The following ZDHHC21 variants were observed in gnomAD, a reference collection of about 807,000 sequenced individuals.
ZDHHC21 encodes zDHHC palmitoyltransferase 21.
A neutral mutation model predicts 34.6 loss-of-function variants in ZDHHC21; 15 were observed. That is an observed-to-expected ratio of 0.43 (90% CI 0.29 to 0.67). ZDHHC21 has a LOEUF of 0.67. Among genes scored for constraint, ZDHHC21 ranks in the 30% least tolerant of loss-of-function variants. The pLI, the probability that ZDHHC21 is intolerant of heterozygous loss-of-function variation, is 0.14. For missense variants in ZDHHC21, 344 were observed against 327.7 expected (o/e 1.05, Z -0.38); for synonymous variants, 142 against 101.8 (o/e 1.40, Z -2.38).
At chr9:14,626,335 T>C (rs1237264055) in intron 8 of ZDHHC21, among the ~76,000 whole-genome samples, 1 of 151,952 alleles carries the variant, frequency 6.6e-6, no homozygotes, top group Non-Finnish European at 1.5e-5. Context: ...TGGATTCAGA[T>C]CATGAAATAA....
intron 6 of ZDHHC21, among the ~76,000 whole-genome samples, chr9:14,661,577 A>G (rs572036576): frequency 1.3e-5 from 2 of 152,338 alleles, no homozygotes; most frequent in African/African-American, 4.8e-5. Flanking sequence ...ATGAGATACA[A>G]TACAGAATTC....
chr9:14,682,860 A>C (rs1837618966), intron 2 of ZDHHC21, among the ~76,000 whole-genome samples: 1 of 152,236 alleles, frequency 6.6e-6, no homozygotes, highest in African/African-American at 2.4e-5. Flanking sequence ...GTGCAATCAA[A>C]TTAGAACTCA....
intron 8 of ZDHHC21, among the ~76,000 whole-genome samples, chr9:14,630,804 T>C (rs557752968): frequency 6.6e-6 from 1 of 152,302 alleles, no homozygotes; most frequent in East Asian, 1.9e-4. Flanking sequence ...CAATGAGCAG[T>C]AATATTACGA....
chr9:14,620,835 A>C (rs964279637), intron 8 of ZDHHC21, among the ~76,000 whole-genome samples: 14 of 152,082 alleles, frequency 9.2e-5, no homozygotes, highest in Non-Finnish European at 1.5e-5. Context: ...CACATTTTCC[A>C]GGAATTTTTA....
intron 8 of ZDHHC21, among the ~76,000 whole-genome samples, chr9:14,620,543 CT>C (rs1172975427): frequency 4.6e-5 from 6 of 129,842 alleles, no homozygotes; most frequent in African/African-American, 1.9e-4. Context: ...TACCTTAACA[CT>C]TTGTTTATAC....
intron 8 of ZDHHC21, among the ~76,000 whole-genome samples, chr9:14,639,657 C>T (rs574073592): frequency 2.0e-5 from 3 of 152,064 alleles, no homozygotes; most frequent in Middle Eastern, 3.4e-3. Flanking sequence ...AAACTATAAA[C>T]GTGATGTCTA....
chr9:14,672,263 A>G (rs1321627806), intron 5 of ZDHHC21, among the ~76,000 whole-genome samples: 34 of 152,056 alleles, frequency 2.2e-4, no homozygotes, highest in Admixed American at 2.1e-3. Flanking sequence ...AAATGTCACT[A>G]TTCTACAGTT....
intron 8 of ZDHHC21, among the ~76,000 whole-genome samples, chr9:14,631,304 G>C (rs1221797677): frequency 6.6e-5 from 10 of 152,150 alleles, no homozygotes; most frequent in Admixed American, 6.6e-4. Flanking sequence ...ACAAACTTAT[G>C]CTAGCTTCCA....
chr9:14,663,430 CTAAA>C (rs1350238059), intron 5 of ZDHHC21, among the ~76,000 whole-genome samples: 1 of 147,946 alleles, frequency 6.8e-6, no homozygotes, highest in African/African-American at 2.5e-5. Flanking sequence ...ATGAAAGATT[CTAAA>C]TAAAAGTGAA....
At chr9:14,603,680 G>A in the ZDHHC21 span, among the ~76,000 whole-genome samples, 7 of 152,054 alleles carry the variant, frequency 4.6e-5, no homozygotes, top group African/African-American at 1.7e-4. Flanking sequence ...ATGAAAATAA[G>A]ATCTCAACAG....
Position 14,635,312 on chromosome 9 carries a change from C to A in ZDHHC21, c.621+4584G>T, listed in dbSNP as rs112927245. On this transcript the variant is annotated intron_variant, in intron 8 of 9. Coordinates refer to ENST00000380916, the MANE Select transcript of ZDHHC21 (RefSeq NM_178566.6). ...TCTCAAGTCTAGCAAGTGATCAAGA[C>A]ACCTAAGTATAGGAAGCTCAGGGAT... 3.9e-3 allele frequency among the ~76,000 whole-genome samples: 593 copies of A among 152,280 alleles called. 5 individuals are homozygous for A. The highest frequency in any genetic ancestry group is 0.013 in the African/African-American group (556 of 41,572).
rs58613084 is a variant in ZDHHC21, at chr9:14,626,543, G to A, written c.622-6861C>T. The stretch of plus-strand genomic sequence containing the variant: ...ACTTACAAGCAGTTTATTACACTGA[G>A]CAAACAGAAATTATGCAATATAAAT... On this transcript the variant is annotated intron_variant, in intron 8 of 9. Coordinates refer to ENST00000380916, the MANE Select transcript of ZDHHC21 (RefSeq NM_178566.6). Among the ~76,000 whole-genome samples the A allele has an allele frequency of 5.3e-3, 799 of 151,908 alleles. 10 individuals are homozygous for A. Among genetic ancestry groups the A allele is most frequent in the African/African-American group, 0.018 (763 of 41,478 alleles).
chr9:14,667,300 G>C (rs996867128), intron 5 of ZDHHC21, among the ~76,000 whole-genome samples: 102 of 149,234 alleles, frequency 6.8e-4, no homozygotes, highest in African/African-American at 2.4e-3. Flanking sequence ...ACTAAACCAG[G>C]AAGAAGTTGA....
At chr9:14,605,906 T>C in the ZDHHC21 span, among the ~76,000 whole-genome samples, 1 of 152,178 alleles carries the variant, frequency 6.6e-6, no homozygotes, top group Non-Finnish European at 1.5e-5. Context: ...TACAAAACAT[T>C]GAAGTTTGTA....
the ZDHHC21 span, among the ~76,000 whole-genome samples, chr9:14,593,301 A>G: frequency 1.3e-5 from 2 of 152,218 alleles, no homozygotes; most frequent in African/African-American, 2.4e-5. Flanking sequence ...ATTAGGAATG[A>G]AAGAGAGGAC....
At chr9:14,688,959 G>A (rs185897126) in intron 2 of ZDHHC21, among the ~76,000 whole-genome samples, 32 of 152,142 alleles carry the variant, frequency 2.1e-4, no homozygotes, top group Non-Finnish European at 3.4e-4. Flanking sequence ...TGGGAGGATC[G>A]CTTAAGCCAG....
rs1202654801 is a variant in ZDHHC21, at chr9:14,615,229, C to A, written c.*3737G>T. 6.6e-6 allele frequency: 1 copy of A among 151,680 alleles called. No individual in the cohort carries two copies. Among genetic ancestry groups the A allele is most frequent in the Non-Finnish European group, 1.5e-5 (1 of 67,688 alleles). 9.4% of individuals were successfully genotyped at this position (151,680 alleles called of 1,614,324 possible). On this transcript the variant is annotated 3_prime_UTR_variant, in exon 10 of 10. Transcript: ENST00000380916. ...ATGATTAGCATTCAGAATTAATACA[C>A]CCTTTGGAGTGAAACATATCACCCA...
At chr9:14,673,602 C>T (rs1261436417) in intron 4 of ZDHHC21, among the ~76,000 whole-genome samples, 2 of 150,646 alleles carry the variant, frequency 1.3e-5, no homozygotes, top group African/African-American at 2.4e-5. Flanking sequence ...TGCATAGTAC[C>T]GGTCAGTTTT....
rs183465409 is a variant in ZDHHC21, at chr9:14,615,297, T to C, written c.*3669A>G. ...AGTGACTTGAATGTGTAACAAAGAA[T>C]AGTTATCATTAGCCATCATACTTAG... On this transcript the variant is annotated 3_prime_UTR_variant, in exon 10 of 10. Transcript: ENST00000380916. 1.8e-3 allele frequency: 278 copies of C among 151,822 alleles called. 2 individuals carry two copies. Among genetic ancestry groups the C allele is most frequent in the African/African-American group, 6.5e-3 (270 of 41,514 alleles). The allele number at this position is 151,822 out of a possible 1,614,324, so 9.4% of individuals were successfully genotyped here. A position where few individuals can be genotyped will look rare whatever the true frequency, so the allele number is the denominator to read the frequency against.
Sources: allele counts gnomAD v4.1 joint callset (sites outside exome capture counted in the v4.1 genomes callset), GRCh38; gene constraint gnomAD v4.1.1; transcripts MANE v1.5; gene names NCBI Gene and HGNC (gene_info 2026-07-23, HGNC 2026-07-21).